SPACA1: variants seen among roughly 807,000 people sequenced by gnomAD.
SPACA1 encodes sperm acrosome membrane-associated protein 1.
In SPACA1, 17 loss-of-function variants were observed where a neutral mutation model predicts 32.6. The ratio of observed to expected loss-of-function variants is 0.52; its 90% CI spans 0.36 to 0.78. The LOEUF is 0.78. SPACA1 is among the 30% of genes least tolerant of loss of function. The pLI is 0.01. For synonymous variants in SPACA1, 140 were observed against 138.1 expected, an observed-to-expected ratio of 1.01 and a Z score of -0.10; for missense variants, 363 against 373.4, an observed-to-expected ratio of 0.97 and a Z score of 0.23.
chr6:88,065,425 A>G (rs1194216378), intron 6 of SPACA1, among the ~76,000 whole-genome samples: 1 of 148,106 alleles, frequency 6.8e-6, no homozygotes, highest in Non-Finnish European at 1.5e-5. Context: ...CTATATTTAC[A>G]TATATAATAT....
intron 4 of SPACA1, 102 bp downstream of exon 4, chr6:88,058,924 G>T (rs1775850339): frequency 1.4e-6 from 1 of 719,706 alleles, no homozygotes; most frequent in Non-Finnish European, 2.2e-6. Flanking sequence ...AAAGCAGTTT[G>T]CCAAAACGAA....
At chr6:88,059,661 G>A in intron 5 of SPACA1, 73 bp downstream of exon 5, 1 of 1,425,368 alleles carries the variant, frequency 7.0e-7, no homozygotes, top group South Asian at 1.5e-5. Context: ...TTAGAGGCTT[G>A]TTAAAACACC....
At chr6:88,052,393 T>C (rs1775740632) in intron 1 of SPACA1, among the ~76,000 whole-genome samples, 1 of 152,228 alleles carries the variant, frequency 6.6e-6, no homozygotes, top group Non-Finnish European at 1.5e-5. Context: ...TTAATTTGTG[T>C]CTCATAATGT....
Position 88,048,061 on chromosome 6 carries a change from AAAC to A in SPACA1, c.160_162del (p.Asn54del). 6.2e-7 allele frequency: 1 copy of A among 1,604,036 alleles called. No homozygotes were observed. Among genetic ancestry groups the A allele is most frequent in the Non-Finnish European group, 8.5e-7 (1 of 1,176,652 alleles). On this transcript the variant is annotated inframe_deletion, in exon 1 of 7. Coordinates refer to ENST00000237201, the MANE Select transcript of SPACA1 (RefSeq NM_030960.3). ...AAGGCGAGGGCGAGGAGGAGACCGA[AAAC>A]AACGACAGCGAGACCGCGGAGAACT...
intron 1 of SPACA1, among the ~76,000 whole-genome samples, chr6:88,050,277 C>T (rs1375345548): frequency 1.3e-5 from 2 of 152,186 alleles, no homozygotes; most frequent in East Asian, 1.9e-4. Context: ...AGGCTAACTA[C>T]ATGATAATAC....
intron 6 of SPACA1, among the ~76,000 whole-genome samples, chr6:88,065,739 C>T (rs929159700): frequency 8.0e-5 from 12 of 150,690 alleles, no homozygotes; most frequent in African/African-American, 2.7e-4. Flanking sequence ...ATCAGCCTTC[C>T]GATTTTTTTT....
intron 1 of SPACA1, among the ~76,000 whole-genome samples, chr6:88,049,960 A>G (rs1469675301): frequency 1.3e-5 from 2 of 152,198 alleles, no homozygotes; most frequent in African/African-American, 4.8e-5. Flanking sequence ...AAAGGCATAT[A>G]TTTTGTTGAA....
rs140977022 is a variant in SPACA1, at chr6:88,059,529, A to G, written c.551A>G (p.Asp184Gly). The G allele has an allele frequency of 2.4e-5, 39 of 1,613,300 alleles. No homozygotes were observed. The highest frequency in any genetic ancestry group is 4.2e-6 in the Non-Finnish European group (5 of 1,179,538). The change falls in exon 5 of 7, where the codon GAC becomes GGC. Residue 184 changes from aspartate to glycine, a missense_variant. Physicochemically the swap from Asp to Gly is moderately conservative, Grantham distance 94. Transcript: ENST00000237201. ...KESHPLAFEC[D>G]TLDNNEIVAT... ...AGTCACCCCTTGGCTTTCGAGTGTG[A>G]CACACTGGATAATAATGAAATAGTA...
intron 2 of SPACA1, among the ~76,000 whole-genome samples, chr6:88,056,461 C>T (rs1274236453): frequency 2.6e-5 from 4 of 152,172 alleles, no homozygotes; most frequent in African/African-American, 9.7e-5. Flanking sequence ...TTTCTTGTTT[C>T]GTATGTAGCC....
intron 1 of SPACA1, among the ~76,000 whole-genome samples, chr6:88,053,672 G>A (rs1775763081): frequency 6.6e-6 from 1 of 152,020 alleles, no homozygotes; most frequent in African/African-American, 2.4e-5. Context: ...TATATCAACT[G>A]ATGAAAAACA....
rs757581471 is a variant in SPACA1 at position 88,058,769 on chromosome 6, A to G, written c.421A>G (p.Thr141Ala). 6.2e-7 allele frequency: 1 copy of G among 1,613,880 alleles called. No homozygotes were observed. Among genetic ancestry groups the G allele is most frequent in the Admixed American group, 1.7e-5 (1 of 59,990 alleles). ...AAGTGTTAGATTGGCATGTATTCAC[A>G]CATCTCCCTTAAATCGTTTCAAATA... is the stretch of plus-strand genomic sequence containing the variant. ...LESVRLACIHTSPLNRFKYMW... is the reference protein window; with the variant it reads ...LESVRLACIHASPLNRFKYMW... The change falls in exon 4 of 7, where the codon ACA becomes GCA. Residue 141 changes from threonine (T) to alanine (A), a missense_variant. By Grantham distance (58) the Thr-to-Ala change is moderately conservative. Coordinates refer to ENST00000237201, the MANE Select transcript of SPACA1 (RefSeq NM_030960.3).
chr6:88,047,993 A>T lies in SPACA1; in HGVS notation c.88A>T (p.Thr30Ser). Residue 30 changes from threonine (T) to serine (S), a missense_variant, in exon 1 of 7, where the codon ACC becomes TCC. Transcript: ENST00000237201. ...LLAGLQSARG[T>S]NVTAAVQDAG... The stretch of plus-strand genomic sequence containing the variant: ...GGCGGGCCTCCAGTCCGCGCGCGGG[A>T]CCAACGTCACCGCTGCCGTCCAGGA... 1.3e-6 allele frequency: 2 copies of T among 1,577,408 alleles called. No homozygotes were observed. The highest frequency in any genetic ancestry group is 2.3e-5 in the South Asian group (2 of 85,722).
intron 5 of SPACA1, among the ~76,000 whole-genome samples, chr6:88,060,537 G>A (rs1450248375): frequency 1.3e-5 from 2 of 152,104 alleles, no homozygotes; most frequent in Admixed American, 6.5e-5. Flanking sequence ...ATATTTTAGG[G>A]TGATTTTAAA....
Position 88,053,990 on chromosome 6 carries a change from A to G in SPACA1, c.253A>G (p.Thr85Ala), listed in dbSNP as rs773515563. The G allele has an allele frequency of 3.3e-5, 53 of 1,613,612 alleles. No individual in the cohort carries two copies. The highest frequency in any genetic ancestry group is 4.4e-5 in the Non-Finnish European group (52 of 1,179,696). Reference protein sequence around the residue: ...VVKEVEFGMCTVTCGIGVREV... With the variant: ...VVKEVEFGMCAVTCGIGVREV... ...CAAAGAAGTAGAATTCGGAATGTGC[A>G]CCGTTACATGTGGTAAGTAGCTTGG... Residue 85 changes from threonine (T) to alanine (A), a missense_variant, in exon 2 of 7, where the codon ACC (threonine) becomes GCC (alanine). Transcript: ENST00000237201.
chr6:88,048,407 C>T (rs1386324354), intron 1 of SPACA1, among the ~76,000 whole-genome samples: 2 of 152,162 alleles, frequency 1.3e-5, no homozygotes, highest in Middle Eastern at 3.4e-3. Context: ...TGGGAGGTAG[C>T]CTTCCAACAA....
chr6:88,055,433 GA>G (rs1214669539), intron 2 of SPACA1, among the ~76,000 whole-genome samples: 2 of 151,908 alleles, frequency 1.3e-5, no homozygotes, highest in Non-Finnish European at 2.9e-5. Context: ...AAGTTATAAG[GA>G]AAAAAATAAA....
intron 2 of SPACA1, 77 bp downstream of exon 2, chr6:88,054,079 C>T: frequency 7.8e-7 from 1 of 1,284,590 alleles, no homozygotes; most frequent in Non-Finnish European, 1.1e-6. Flanking sequence ...TAGTGTGCAA[C>T]TTTGTAACTT....
At position 88,048,010 on chromosome 6, in the gene SPACA1, C is replaced by T. The variant is rs1302740643; in HGVS notation, c.105C>T (p.Ala35=). 3 of 1,590,734 alleles carry T rather than the reference C, an allele frequency of 1.9e-6. No homozygotes were observed. Among genetic ancestry groups the T allele is most frequent in the Non-Finnish European group, 2.6e-6 (3 of 1,170,776 alleles). The change falls in exon 1 of 7, where the codon GCC becomes GCT. Residue 35 remains alanine (A), a synonymous_variant. Transcript: ENST00000237201. ...QSARGTNVTA[A]VQDAGLAHEG... ...CGCGCGGGACCAACGTCACCGCTGC[C>T]GTCCAGGATGCCGGCCTGGCCCACG...
chr6:88,060,510 A>G (rs1388890252), intron 5 of SPACA1, among the ~76,000 whole-genome samples: 1 of 152,234 alleles, frequency 6.6e-6, no homozygotes, highest in East Asian at 1.9e-4. Context: ...ATTTTATTGA[A>G]ATGAAAACAG....
Sources: gnomAD v4.1 joint callset for allele counts (sites outside exome capture counted in the v4.1 genomes callset) on GRCh38, gnomAD v4.1.1 for gene constraint, MANE v1.5 for transcripts, NCBI Gene and HGNC (gene_info 2026-07-23, HGNC 2026-07-21) for gene names.